DSCAM: variants seen among roughly 807,000 people sequenced by gnomAD.
The protein encoded by DSCAM is cell adhesion molecule DSCAM.
DSCAM carries 47 observed loss-of-function variants against 217.7 expected under a neutral mutation model. The observed-to-expected ratio is 0.22, with a 90% confidence interval of 0.17 to 0.28. DSCAM has a LOEUF of 0.28. Among genes scored for constraint, DSCAM ranks in the 10% least tolerant of loss-of-function variants. The pLI is 1.00. For synonymous variants in DSCAM, 1,056 were observed against 1,015.3 expected, an observed-to-expected ratio of 1.04 and a Z score of -0.76; for missense variants, 2,080 against 2,618.3, an observed-to-expected ratio of 0.79 and a Z score of 4.49.
intron 1 of DSCAM, among the ~76,000 whole-genome samples, chr21:40,721,382 A>C (rs895831324): frequency 2.0e-5 from 3 of 152,222 alleles, no homozygotes; most frequent in Non-Finnish European, 2.9e-5. Context: ...GGATATTAAC[A>C]TCACTCTTAT....
chr21:40,079,565 G>T (rs1359358438), intron 25 of DSCAM, among the ~76,000 whole-genome samples: 1 of 152,076 alleles, frequency 6.6e-6, no homozygotes, highest in Non-Finnish European at 1.5e-5. Context: ...GGACTCCTAT[G>T]GGAGGGAAGC....
chr21:40,180,751 A>G (rs1475246325), intron 14 of DSCAM, among the ~76,000 whole-genome samples: 1 of 152,200 alleles, frequency 6.6e-6, no homozygotes, highest in African/African-American at 2.4e-5. Flanking sequence ...AGATACAGCC[A>G]TCTTCACTGG....
chr21:40,019,650 T>A (rs1253870366), intron 32 of DSCAM, among the ~76,000 whole-genome samples: 5 of 152,134 alleles, frequency 3.3e-5, no homozygotes, highest in Non-Finnish European at 7.4e-5. Context: ...AGTCCAAGGA[T>A]CCTTTGTGCT....
intron 11 of DSCAM, among the ~76,000 whole-genome samples, chr21:40,266,641 A>ATATATAT (rs2073533311): frequency 9.0e-6 from 1 of 111,312 alleles, no homozygotes; most frequent in Non-Finnish European, 1.6e-5. Flanking sequence ...TGTTTTATAT[A>ATATATAT]TATATATATA....
chr21:40,240,349 G>GTTTTTTTTTT lies in DSCAM; in HGVS notation c.2356+35738_2356+35747dup, dbSNP rs749073872. 1.1e-3 allele frequency among the ~76,000 whole-genome samples: 65 copies of GTTTTTTTTTT among 57,728 alleles called. 11 individuals are homozygous for GTTTTTTTTTT. Among genetic ancestry groups the GTTTTTTTTTT allele is most frequent in the African/African-American group, 4.4e-3 (57 of 12,986 alleles). The allele number at this position is 57,728 out of a possible 152,430, so 37.9% of individuals were successfully genotyped here. A position where few individuals can be genotyped will look rare whatever the true frequency, so the allele number is the denominator to read the frequency against. On this transcript the variant is annotated intron_variant, in intron 11 of 32. Coordinates refer to ENST00000400454, the MANE Select transcript of DSCAM (RefSeq NM_001389.5). Reference sequence around the variant, plus strand: ...AGCTACTGCAGTAGCTTCCTCACTGGTTTTTTTTTTTTTTTTTTTTTTTTG... The same window carrying GTTTTTTTTTT: ...AGCTACTGCAGTAGCTTCCTCACTGGTTTTTTTTTTTTTTTTTTTTTTTTTTTTTTTTTTG...
chr21:40,745,466 C>A (rs2091165409), intron 1 of DSCAM, among the ~76,000 whole-genome samples: 1 of 152,136 alleles, frequency 6.6e-6, no homozygotes, highest in Admixed American at 6.5e-5. Context: ...GATTTCTCAA[C>A]AGATACACTG....
chr21:40,073,798 C>A (rs531192520), intron 27 of DSCAM, among the ~76,000 whole-genome samples: 2 of 152,264 alleles, frequency 1.3e-5, no homozygotes, highest in African/African-American at 4.8e-5. Flanking sequence ...TATTAAGCAC[C>A]TAGCATTCAC....
chr21:40,672,495 G>C (rs928809251), intron 3 of DSCAM, among the ~76,000 whole-genome samples: 7 of 152,020 alleles, frequency 4.6e-5, no homozygotes, highest in African/African-American at 1.7e-4. Flanking sequence ...CCTAGCATGA[G>C]TAAGATAAAG....
intron 3 of DSCAM, among the ~76,000 whole-genome samples, chr21:40,524,128 A>G (rs1362858569): frequency 6.7e-6 from 1 of 150,190 alleles, no homozygotes; most frequent in African/African-American, 2.4e-5. Context: ...AAATTTATTT[A>G]TTTATTTATT....
At chr21:40,258,201 T>C (rs2222980) in intron 11 of DSCAM, among the ~76,000 whole-genome samples, 13,429 of 152,168 alleles carry the variant, frequency 0.088, 1,408 homozygotes, top group African/African-American at 0.23. Flanking sequence ...CCTAAAAGCA[T>C]GTCTTCCAAA....
chr21:40,110,178 A>G (rs1160819814), intron 20 of DSCAM, among the ~76,000 whole-genome samples: 2 of 152,196 alleles, frequency 1.3e-5, no homozygotes, highest in Non-Finnish European at 2.9e-5. Flanking sequence ...AGTGGGGCAG[A>G]CTGACACCTC....
chr21:40,462,332 A>G (rs1330725872), intron 3 of DSCAM, among the ~76,000 whole-genome samples: 1 of 152,066 alleles, frequency 6.6e-6, no homozygotes, highest in African/African-American at 2.4e-5. Flanking sequence ...AAATTCTTGG[A>G]CCCATCTTCT....
At chr21:40,731,849 C>G (rs2091016179) in intron 1 of DSCAM, among the ~76,000 whole-genome samples, 1 of 151,592 alleles carries the variant, frequency 6.6e-6, no homozygotes, top group South Asian at 2.1e-4. Context: ...CTGCCTCAGC[C>G]TCCTGAGCAG....
chr21:40,727,503 C>T (rs1157961651), intron 1 of DSCAM, among the ~76,000 whole-genome samples: 5 of 152,166 alleles, frequency 3.3e-5, no homozygotes, highest in Admixed American at 2.0e-4. Context: ...CCAACCCAAA[C>T]ATGTGGGTGC....
chr21:40,072,146 A>T (rs534286603), intron 27 of DSCAM, among the ~76,000 whole-genome samples: 1 of 152,086 alleles, frequency 6.6e-6, no homozygotes, highest in Non-Finnish European at 1.5e-5. Context: ...ACCTGGCTAA[A>T]CTCTTGTGAT....
chr21:40,240,975 G>A (rs375562736), intron 11 of DSCAM, among the ~76,000 whole-genome samples: 6 of 152,078 alleles, frequency 3.9e-5, no homozygotes, highest in South Asian at 4.2e-4. Context: ...TACACCACAC[G>A]CAAAAATCAA....
rs1465417840 is a variant in DSCAM at position 40,266,797 on chromosome 21, TATACACAC to T, written c.2356+9292_2356+9299del. Among the ~76,000 whole-genome samples the T allele has an allele frequency of 9.9e-3, 1,328 of 134,298 alleles. 27 individuals are homozygous for T. Among genetic ancestry groups the T allele is most frequent in the African/African-American group, 0.039 (1,264 of 32,780 alleles). 88.1% of individuals were successfully genotyped at this position (134,298 alleles called of 152,430 possible). On this transcript the variant is annotated intron_variant, in intron 11 of 32. Transcript: ENST00000400454. ...ACATGCATATATATATATATATATA[TATACACAC>T]ACACACACCCCCACACACATCGTGA...
chr21:40,029,344 G>C (rs1350158480), intron 32 of DSCAM, among the ~76,000 whole-genome samples: 3 of 151,244 alleles, frequency 2.0e-5, no homozygotes, highest in Non-Finnish European at 4.4e-5. Flanking sequence ...CAGCCCCTTT[G>C]GATCTCTGTG....
At chr21:40,778,348 TTTGA>T (rs778704658) in intron 1 of DSCAM, among the ~76,000 whole-genome samples, 26 of 152,214 alleles carry the variant, frequency 1.7e-4, no homozygotes, top group South Asian at 1.0e-3. Flanking sequence ...GTAAGTTTTG[TTTGA>T]TTGTTTCTTT....
Sources: allele counts gnomAD v4.1 joint callset (sites outside exome capture counted in the v4.1 genomes callset), GRCh38; gene constraint gnomAD v4.1.1; transcripts MANE v1.5; gene names NCBI Gene and HGNC (gene_info 2026-07-23, HGNC 2026-07-21).